Variants in DLG2 observed in about 807,000 individuals in gnomAD.
DLG2 encodes discs large MAGUK scaffold protein 2.
In DLG2, 45 loss-of-function variants were observed where a neutral mutation model predicts 132.5. The observed-to-expected ratio is 0.34, with a 90% CI of 0.27 to 0.44. DLG2 has a LOEUF of 0.44. DLG2 is among the 20% of genes least tolerant of loss of function. DLG2 has a pLI of 1.00. For synonymous variants in DLG2, 424 were observed against 419.6 expected (o/e 1.01, Z -0.13); for missense variants, 1,045 against 1,196.9 (o/e 0.87, Z 1.87).
intron 7 of DLG2, among the ~76,000 whole-genome samples, chr11:84,325,563 C>T (rs2098426314): frequency 2.0e-5 from 3 of 152,050 alleles, no homozygotes; most frequent in Admixed American, 6.6e-5. Flanking sequence ...GATTAAATTT[C>T]GTATGTTGAA....
At chr11:83,567,623 G>A (rs957592233) in intron 19 of DLG2, among the ~76,000 whole-genome samples, 1 of 152,194 alleles carries the variant, frequency 6.6e-6, no homozygotes, top group African/African-American at 2.4e-5. Flanking sequence ...AGCAACTAGT[G>A]CTAAAGGCGT....
At chr11:84,324,776 ATAGTATTGTAAATGGGATTGCTTTCT>A (rs2098422343) in intron 7 of DLG2, among the ~76,000 whole-genome samples, 4 of 152,030 alleles carry the variant, frequency 2.6e-5, no homozygotes, top group African/African-American at 9.7e-5. Context: ...ATTCTTTTTG[ATAGTATTGTAAATGGGATTGCTTTCT>A]TAATTTCCTT....
intron 7 of DLG2, chr11:84,272,300 A>G (rs1381606808): frequency 9.1e-6 from 4 of 439,202 alleles, no homozygotes; most frequent in South Asian, 3.3e-5. Flanking sequence ...ATTTATTCCA[A>G]CTGTTGAAAG....
At chr11:83,846,062 T>C (rs1279455565) in intron 16 of DLG2, among the ~76,000 whole-genome samples, 1 of 152,172 alleles carries the variant, frequency 6.6e-6, no homozygotes, top group Non-Finnish European at 1.5e-5. Context: ...CAAATGAGTA[T>C]TGTGGATGAA....
intron 7 of DLG2, among the ~76,000 whole-genome samples, chr11:84,409,177 C>A (rs184099493): frequency 6.6e-6 from 1 of 152,190 alleles, no homozygotes; most frequent in East Asian, 1.9e-4. Context: ...GCTCTGAGTG[C>A]TTCTCTATTC....
intron 18 of DLG2, among the ~76,000 whole-genome samples, chr11:83,769,956 G>A (rs947529522): frequency 1.3e-5 from 2 of 152,148 alleles, no homozygotes; most frequent in Non-Finnish European, 2.9e-5. Context: ...CTGGAATGGA[G>A]GGGTGGTGCT....
intron 6 of DLG2, among the ~76,000 whole-genome samples, chr11:84,769,166 T>G (rs2068873151): frequency 2.6e-5 from 4 of 152,060 alleles, no homozygotes. Context: ...AAATGACAGA[T>G]AAAGAATTCG....
intron 4 of DLG2, among the ~76,000 whole-genome samples, chr11:85,190,103 C>A (rs1441403496): frequency 6.6e-6 from 1 of 152,288 alleles, no homozygotes; most frequent in Non-Finnish European, 1.5e-5. Context: ...AGCAAAGGAT[C>A]ATGAATAAAT....
Position 84,567,426 on chromosome 11 carries a change from A to G in DLG2, c.358-32695T>C, listed in dbSNP as rs1010465621. Among the ~76,000 whole-genome samples the G allele has an allele frequency of 1.8e-4, 27 of 152,198 alleles. 1 individual carries two copies. Among genetic ancestry groups the G allele is most frequent in the African/African-American group, 5.8e-4 (24 of 41,448 alleles). ...AACAAATATTAAGTTCTGTGTGACA[A>G]TAAAGAAATTACTCACATATTTGAT... On this transcript the variant is annotated intron_variant, in intron 6 of 27. Coordinates refer to ENST00000376104, the MANE Select transcript of DLG2 (RefSeq NM_001142699.3).
intron 8 of DLG2, among the ~76,000 whole-genome samples, chr11:84,174,147 TAAG>T (rs1488695263): frequency 6.7e-6 from 1 of 148,482 alleles, no homozygotes; most frequent in Non-Finnish European, 1.5e-5. Flanking sequence ...ATATCTCTGT[TAAG>T]GAGATTTTTT....
rs78826939 is a variant in DLG2 at position 84,450,823 on chromosome 11, T to C, written c.519+83747A>G. On this transcript the variant is annotated intron_variant, in intron 7 of 27. Transcript: ENST00000376104. ...CCATGAAAGCAGAGGCCATGCCTGTTTATTCATCATTGTAGCCTCCGTGCC... is the reference window on the plus strand; with the variant it reads ...CCATGAAAGCAGAGGCCATGCCTGTCTATTCATCATTGTAGCCTCCGTGCC... 2.5e-3 allele frequency among the ~76,000 whole-genome samples: 387 copies of C among 151,840 alleles called. 1 individual carries two copies. Among genetic ancestry groups the C allele is most frequent in the African/African-American group, 8.6e-3 (356 of 41,478 alleles).
At chr11:85,388,914 C>A (rs2086573220) in intron 3 of DLG2, among the ~76,000 whole-genome samples, 1 of 152,102 alleles carries the variant, frequency 6.6e-6, no homozygotes, top group Admixed American at 6.6e-5. Flanking sequence ...CACAAAAAAA[C>A]AATTCTGGTA....
At chr11:85,288,751 G>A (rs1245914707) in intron 3 of DLG2, among the ~76,000 whole-genome samples, 1 of 152,086 alleles carries the variant, frequency 6.6e-6, no homozygotes, top group Non-Finnish European at 1.5e-5. Context: ...ATAACGACTT[G>A]TAATGAATAA....
intron 6 of DLG2, among the ~76,000 whole-genome samples, chr11:84,676,869 G>A (rs1209619342): frequency 6.6e-6 from 1 of 151,966 alleles, no homozygotes; most frequent in East Asian, 1.9e-4. Context: ...GAGTAAATTA[G>A]GATGGGGGAA....
At chr11:85,200,502 G>A (rs17148047) in intron 4 of DLG2, among the ~76,000 whole-genome samples, 12,730 of 152,162 alleles carry the variant, frequency 0.084, 661 homozygotes, top group African/African-American at 0.14. Flanking sequence ...ATCCTACAGC[G>A]GTTCCCAAGG....
chr11:85,544,632 T>C (rs1335132940), intron 3 of DLG2, among the ~76,000 whole-genome samples: 1 of 152,236 alleles, frequency 6.6e-6, no homozygotes, highest in Non-Finnish European at 1.5e-5. Context: ...GAGCATGGAA[T>C]GTTTTTCCAC....
chr11:84,525,505 A>T (rs534573926), intron 7 of DLG2, among the ~76,000 whole-genome samples: 1 of 152,124 alleles, frequency 6.6e-6, no homozygotes, highest in South Asian at 2.1e-4. Flanking sequence ...AAGCCTTCTA[A>T]TCTATCCTTC....
intron 6 of DLG2, among the ~76,000 whole-genome samples, chr11:84,969,997 T>C (rs530499922): frequency 6.6e-6 from 1 of 152,040 alleles, no homozygotes; most frequent in African/African-American, 2.4e-5. Context: ...GAAGGGAACA[T>C]CACATAACGG....
At chr11:84,423,135 CAG>C (rs2098955905) in intron 7 of DLG2, among the ~76,000 whole-genome samples, 1 of 152,002 alleles carries the variant, frequency 6.6e-6, no homozygotes, top group Non-Finnish European at 1.5e-5. Context: ...CAGAAGGGTA[CAG>C]AGTTTTCATT....
Sources: allele counts gnomAD v4.1 joint callset (sites outside exome capture counted in the v4.1 genomes callset), GRCh38; gene constraint gnomAD v4.1.1; transcripts MANE v1.5; gene names NCBI Gene and HGNC (gene_info 2026-07-23, HGNC 2026-07-21).